ERGIC1: variants seen among roughly 807,000 people sequenced by gnomAD.
The protein encoded by ERGIC1 is endoplasmic reticulum-golgi intermediate compartment 1.
Under a neutral mutation model 38.3 loss-of-function variants are expected in ERGIC1, and 19 were observed. That is an observed-to-expected ratio of 0.50 (90% confidence interval 0.35 to 0.73). The LOEUF (loss-of-function observed/expected upper bound fraction) is 0.73, where lower values mean the gene tolerates loss of function less well. Among genes scored for constraint, ERGIC1 ranks in the 30% least tolerant of loss-of-function variants. ERGIC1 has a pLI of 0.01. For missense variants in ERGIC1, 294 were observed against 389.2 expected, an observed-to-expected ratio of 0.76 and a Z score of 2.06; for synonymous variants, 124 against 157.6, an observed-to-expected ratio of 0.79 and a Z score of 1.60.
chr5:172,846,580 C>T lies in ERGIC1; in HGVS notation c.20+12147C>T, dbSNP rs1761286245. Among the ~76,000 whole-genome samples the T allele has an allele frequency of 6.6e-6, 1 of 152,222 alleles. No individual in the cohort carries two copies. Among genetic ancestry groups the T allele is most frequent in the African/African-American group, 2.4e-5 (1 of 41,446 alleles). ...CTGATCTGGGTCCCCACTCCACAGT[C>T]TTTGGATTATGCCCTGTGCCCTTTG... On this transcript the variant is annotated intron_variant, in intron 1 of 9. Coordinates refer to ENST00000393784, the MANE Select transcript of ERGIC1 (RefSeq NM_001031711.3). This position sits in a 1 kb window ranked among gnomAD's most constrained non-coding sequence, Gnocchi z 4.0.
intron 9 of ERGIC1, among the ~76,000 whole-genome samples, chr5:172,947,094 G>A (rs1225283565): frequency 1.3e-5 from 2 of 150,572 alleles, no homozygotes; most frequent in Non-Finnish European, 2.9e-5. Flanking sequence ...TGAGGCAGGA[G>A]AATCACTTGA....
chr5:172,906,045 T>A (rs1763013023), intron 3 of ERGIC1: 1 of 455,970 alleles, frequency 2.2e-6, no homozygotes, highest in African/African-American at 2.0e-5. Flanking sequence ...GGTTAGGAAT[T>A]CTTATTTGGC....
chr5:172,940,608 G>A (rs893443958), intron 9 of ERGIC1, among the ~76,000 whole-genome samples: 13 of 152,114 alleles, frequency 8.5e-5, no homozygotes, highest in East Asian at 1.9e-4. Context: ...CAGTATGACC[G>A]GGATGGTTTT....
In ERGIC1 at chr5:172,950,864, GC is replaced by G; in HGVS notation, c.*50del. On this transcript the variant is annotated 3_prime_UTR_variant, in exon 10 of 10. Transcript: ENST00000393784. Reference sequence around the variant, plus strand: ...GAGGACCCTGGGCATCGCCAGCCTTGCCTCCAGTGCCCTGTCTCCTTTGGCC... The same window carrying G: ...GAGGACCCTGGGCATCGCCAGCCTTGCTCCAGTGCCCTGTCTCCTTTGGCC... The G allele has an allele frequency of 1.3e-6, 2 of 1,522,824 alleles. No individual in the cohort carries two copies. Among genetic ancestry groups the G allele is most frequent in the South Asian group, 2.4e-5 (2 of 83,632 alleles). 94.3% of individuals were successfully genotyped at this position (1,522,824 alleles called of 1,614,324 possible).
intron 5 of ERGIC1, among the ~76,000 whole-genome samples, chr5:172,921,264 A>G (rs1344022734): frequency 1.3e-5 from 2 of 152,002 alleles, no homozygotes; most frequent in African/African-American, 2.4e-5. Flanking sequence ...ACTCAGAGCA[A>G]CCGCTCTACT....
In ERGIC1 at chr5:172,884,994, A is replaced by G. The variant is rs140523626; in HGVS notation, c.21-3705A>G. Among the ~76,000 whole-genome samples, 55 of 151,884 alleles carry G rather than the reference A, an allele frequency of 3.6e-4. 1 individual carries two copies. The East Asian group carries it at 7.9e-3, about 22-fold the overall frequency. On this transcript the variant is annotated intron_variant, in intron 1 of 9. Transcript: ENST00000393784. The stretch of plus-strand genomic sequence containing the variant: ...TTGACCAGTCTCTCTGTATGTAACA[A>G]TCTCCTATCTCTCTCTTCCTCACCC...
intron 9 of ERGIC1, among the ~76,000 whole-genome samples, chr5:172,939,184 A>T (rs1192619285): frequency 6.6e-6 from 1 of 152,258 alleles, no homozygotes; most frequent in Non-Finnish European, 1.5e-5. Context: ...CACCAGGGTC[A>T]GCTGAATCAT....
At chr5:172,932,305 G>C in intron 7 of ERGIC1, 131 bp from the exon 8 acceptor site, 1 of 773,488 alleles carries the variant, frequency 1.3e-6, no homozygotes, top group Non-Finnish European at 2.1e-6. Context: ...AAGAGCAGTT[G>C]GTTGGTGGTA....
At chr5:172,914,198 G>A (rs1374079882) in intron 4 of ERGIC1, among the ~76,000 whole-genome samples, 1 of 134,592 alleles carries the variant, frequency 7.4e-6, no homozygotes, top group African/African-American at 2.8e-5. Flanking sequence ...GCATGCCATT[G>A]CACACCAGCC....
At chr5:172,858,080 G>A (rs1427712423) in intron 1 of ERGIC1, among the ~76,000 whole-genome samples, 1 of 152,236 alleles carries the variant, frequency 6.6e-6, no homozygotes, top group Non-Finnish European at 1.5e-5. Context: ...GGGGCTGTGA[G>A]GCCTGCGTCT....
Position 172,950,785 on chromosome 5 carries a change from G to A in ERGIC1, c.842G>A (p.Trp281Ter). 1 of 1,612,460 alleles carries A rather than the reference G, an allele frequency of 6.2e-7. No homozygotes were observed. The highest frequency in any genetic ancestry group is 8.5e-7 in the Non-Finnish European group (1 of 1,178,758). The change falls in exon 10 of 10, where the codon TGG (tryptophan) becomes TAG (stop). Residue 281 changes from tryptophan to a stop codon, truncating the protein, a stop_gained. Coordinates refer to ENST00000393784, the MANE Select transcript of ERGIC1 (RefSeq NM_001031711.3). LOFTEE classifies it high-confidence loss of function. ...DSCIFTASEA[W>*]KKIQLGKMH is the part of the protein sequence containing the mutation. ...TGCATCTTCACAGCCTCTGAGGCCTGGAAGAAGATCCAGCTGGGCAAGATG... is the reference window on the plus strand; with the variant it reads ...TGCATCTTCACAGCCTCTGAGGCCTAGAAGAAGATCCAGCTGGGCAAGATG...
At chr5:172,872,921 C>G (rs1464980760) in intron 1 of ERGIC1, among the ~76,000 whole-genome samples, 3 of 152,192 alleles carry the variant, frequency 2.0e-5, no homozygotes, top group Admixed American at 6.5e-5. Flanking sequence ...ACTTGGGGTC[C>G]CCAAAAGGGG....
chr5:172,894,566 T>A (rs1458949697), intron 2 of ERGIC1, among the ~76,000 whole-genome samples: 1 of 152,184 alleles, frequency 6.6e-6, no homozygotes, highest in Admixed American at 6.5e-5. Context: ...TTGGAGAGAC[T>A]CAGTGAGCAG....
chr5:172,943,502 A>T (rs958415458), intron 9 of ERGIC1, among the ~76,000 whole-genome samples: 3 of 151,904 alleles, frequency 2.0e-5, no homozygotes, highest in Non-Finnish European at 4.4e-5. Context: ...TTATTTCCTC[A>T]TGCGGCGCCT....
rs1763863857 is a variant in ERGIC1, at chr5:172,935,259, C to G, written c.714C>G (p.Ile238Met). 4.3e-6 allele frequency: 7 copies of G among 1,614,210 alleles called. No individual in the cohort carries two copies. Among genetic ancestry groups the G allele is most frequent in the Non-Finnish European group, 5.9e-6 (7 of 1,180,048 alleles). The change falls in exon 9 of 10, where the codon ATC becomes ATG. Residue 238 changes from isoleucine to methionine, a missense_variant. Coordinates refer to ENST00000393784, the MANE Select transcript of ERGIC1 (RefSeq NM_001031711.3). ...AIWFRYDLSP[I>M]TVKYTERRQP... ...GGTTCCGCTACGACCTCAGCCCCAT[C>G]ACGGTCAAGTACACAGAGAGACGGC...
At chr5:172,865,051 CTTTTTTT>C (rs55657045) in intron 1 of ERGIC1, among the ~76,000 whole-genome samples, 2 of 93,852 alleles carry the variant, frequency 2.1e-5, no homozygotes, top group Non-Finnish European at 2.2e-5. Flanking sequence ...GAAAGAAATT[CTTTTTTT>C]TTTTTTTTTT....
At chr5:172,841,888 G>T (rs534644196) in intron 1 of ERGIC1, among the ~76,000 whole-genome samples, 1 of 152,084 alleles carries the variant, frequency 6.6e-6, no homozygotes, top group East Asian at 1.9e-4. Context: ...ATGTGTGTTT[G>T]TGCACTCTTC....
intron 6 of ERGIC1, among the ~76,000 whole-genome samples, chr5:172,925,165 G>A (rs1465823027): frequency 6.6e-6 from 1 of 152,134 alleles, no homozygotes; most frequent in Admixed American, 6.6e-5. Flanking sequence ...TTGAACCTGG[G>A]AGGTGGAGAT....
intron 1 of ERGIC1, among the ~76,000 whole-genome samples, chr5:172,869,015 ATCT>A (rs1321017621): frequency 6.6e-6 from 1 of 152,226 alleles, no homozygotes; most frequent in Admixed American, 6.5e-5. Context: ...CTGTGGGATC[ATCT>A]TCTCCAGTGG....
Sources: allele counts gnomAD v4.1 joint callset (sites outside exome capture counted in the v4.1 genomes callset), GRCh38; gene constraint gnomAD v4.1.1; non-coding constraint Gnocchi (gnomAD v3.1); transcripts MANE v1.5; gene names NCBI Gene and HGNC (gene_info 2026-07-23, HGNC 2026-07-21).